PIP5K1A: variants seen among roughly 807,000 people sequenced by gnomAD.
The protein encoded by PIP5K1A is phosphatidylinositol-4-phosphate 5-kinase type 1 alpha.
PIP5K1A carries 46 observed loss-of-function variants against 72.9 expected under a neutral mutation model. The ratio of observed to expected loss-of-function variants is 0.63; its 90% confidence interval spans 0.50 to 0.81. The LOEUF is 0.81. PIP5K1A is among the 30% of genes least tolerant of loss of function. The pLI is 0.00. For synonymous variants in PIP5K1A, 228 were observed against 255.1 expected (o/e 0.89, Z 1.01); for missense variants, 458 against 706.1 (o/e 0.65, Z 3.98).
chr1:151,215,945 C>T, intron 1 of PIP5K1A: 1 of 1,298,376 alleles, frequency 7.7e-7, no homozygotes, highest in South Asian at 1.2e-5. Context: ...GGGTAACTTT[C>T]TGTTTTTCCT....
intron 1 of PIP5K1A, among the ~76,000 whole-genome samples, chr1:151,207,467 C>T (rs4520422): frequency 0.64 from 97,744 of 151,732 alleles, 31,838 homozygotes; most frequent in Non-Finnish European, 0.7. Context: ...ATTTAACTCC[C>T]TCATTTTCCA....
At chr1:151,209,279 C>A (rs1177663807) in intron 1 of PIP5K1A, among the ~76,000 whole-genome samples, 1 of 151,590 alleles carries the variant, frequency 6.6e-6, no homozygotes, top group Non-Finnish European at 1.5e-5. Context: ...TGCTTTTTTT[C>A]TTTCCCCCGC....
At chr1:151,244,324 G>A (rs1395682300) in intron 14 of PIP5K1A, among the ~76,000 whole-genome samples, 2 of 152,042 alleles carry the variant, frequency 1.3e-5, no homozygotes, top group African/African-American at 2.4e-5. Context: ...CATTTACATT[G>A]TATTAGTTAT....
chr1:151,234,134 G>A (rs587603431), intron 7 of PIP5K1A, 63 bp from the exon 8 acceptor site: 1 of 1,299,134 alleles, frequency 7.7e-7, no homozygotes, highest in East Asian at 2.3e-5. Context: ...AACTTTTACT[G>A]GTGAGTTTCA....
chr1:151,244,433 T>C (rs1454033518), intron 14 of PIP5K1A, among the ~76,000 whole-genome samples: 1 of 152,158 alleles, frequency 6.6e-6, no homozygotes, highest in African/African-American at 2.4e-5. Context: ...GCGGCCAGAT[T>C]ACTTGAGCCT....
At chr1:151,243,976 G>A (rs1692125040) in intron 14 of PIP5K1A, among the ~76,000 whole-genome samples, 1 of 151,880 alleles carries the variant, frequency 6.6e-6, no homozygotes, top group South Asian at 2.1e-4. Context: ...TCAGCCCTCC[G>A]TATCCACAGG....
At chr1:151,212,274 C>A (rs1686934368) in intron 1 of PIP5K1A, among the ~76,000 whole-genome samples, 1 of 152,176 alleles carries the variant, frequency 6.6e-6, no homozygotes, top group Non-Finnish European at 1.5e-5. Context: ...AAGTTCAGCT[C>A]ATTTCTCATT....
intron 7 of PIP5K1A, 90 bp from the exon 8 acceptor site, chr1:151,234,107 A>G: frequency 1.1e-6 from 1 of 907,676 alleles, no homozygotes; most frequent in South Asian, 1.6e-5. Flanking sequence ...ATAGGAGATA[A>G]AGGGAGGATG....
At chr1:151,200,323 T>C (rs192787140) in intron 1 of PIP5K1A, among the ~76,000 whole-genome samples, 1 of 149,270 alleles carries the variant, frequency 6.7e-6, no homozygotes, top group Admixed American at 7.0e-5. Context: ...AGCGTATTAA[T>C]AGTTAAAAAC....
intron 1 of PIP5K1A, among the ~76,000 whole-genome samples, chr1:151,222,942 A>G (rs188262403): frequency 2.0e-5 from 3 of 152,278 alleles, no homozygotes; most frequent in East Asian, 1.9e-4. Flanking sequence ...ATGGCCAGGC[A>G]TGGTGGCTCA....
At chr1:151,210,154 G>T (rs1019701524) in intron 1 of PIP5K1A, among the ~76,000 whole-genome samples, 10 of 151,926 alleles carry the variant, frequency 6.6e-5, no homozygotes, top group Non-Finnish European at 1.0e-4. Flanking sequence ...AAAGTGCTGG[G>T]ATTACAGGTG....
At chr1:151,237,709 T>C (rs1485391988) in intron 9 of PIP5K1A, among the ~76,000 whole-genome samples, 1 of 152,184 alleles carries the variant, frequency 6.6e-6, no homozygotes, top group Non-Finnish European at 1.5e-5. Flanking sequence ...GCATCCTTCT[T>C]CATCATGCCT....
Position 151,241,802 on chromosome 1 carries a change from A to G in PIP5K1A, c.1364-321A>G, listed in dbSNP as rs587733155. 4.6e-3 allele frequency among the ~76,000 whole-genome samples: 658 copies of G among 142,872 alleles called. 4 individuals carry two copies. The highest frequency in any genetic ancestry group is 0.014 in the Middle Eastern group (4 of 286). The allele number at this position is 142,872 out of a possible 152,430, so 93.7% of individuals were successfully genotyped here. On this transcript the variant is annotated intron_variant, in intron 12 of 15. Coordinates refer to ENST00000368888, the MANE Select transcript of PIP5K1A (RefSeq NM_001135638.2). ...GCAACAAGAGCGAAACTCCATCTCA[A>G]AAAAAAAAAAAAAAAGGAATTATGC...
At chr1:151,201,387 T>TC (rs1685196353) in intron 1 of PIP5K1A, among the ~76,000 whole-genome samples, 1 of 151,928 alleles carries the variant, frequency 6.6e-6, no homozygotes, top group South Asian at 2.1e-4. Context: ...TATCATTCTG[T>TC]CACCCAGGCT....
chr1:151,242,700 C>T (rs1171878534), intron 14 of PIP5K1A, 133 bp downstream of exon 14: 4 of 808,982 alleles, frequency 4.9e-6, no homozygotes, highest in South Asian at 1.8e-5. Context: ...ATATATCATA[C>T]TTTCTGTGGG....
chr1:151,239,190 T>C lies in PIP5K1A; in HGVS notation c.1278+12T>C. 2 of 1,567,430 alleles carry C rather than the reference T, an allele frequency of 1.3e-6. No individual in the cohort carries two copies. Among genetic ancestry groups the C allele is most frequent in the Non-Finnish European group, 1.8e-6 (2 of 1,138,222 alleles). The stretch of plus-strand genomic sequence containing the variant: ...TGGTACATGACGGAGTAAGTAGTAA[T>C]ACTAGAGGCTCTCTTACCGTACACT... On this transcript the variant is annotated intron_variant, in intron 11 of 15. Transcript: ENST00000368888.
Position 151,236,187 on chromosome 1 carries a change from G to A in PIP5K1A, c.940-371G>A, listed in dbSNP as rs587678083. Among the ~76,000 whole-genome samples the A allele has an allele frequency of 2.7e-5, 4 of 147,014 alleles. No individual in the cohort carries two copies. In the East Asian group the frequency reaches 8.4e-4, roughly 31 times the overall value. ...AGGCTAAATTAAATAATTACATCAT[G>A]AAAGCTGTCAAGCCAGGCGTGGTGG... is the stretch of plus-strand genomic sequence containing the variant. On this transcript the variant is annotated intron_variant, in intron 8 of 15. Coordinates refer to ENST00000368888, the MANE Select transcript of PIP5K1A (RefSeq NM_001135638.2).
At chr1:151,236,797 A>C in intron 9 of PIP5K1A, 34 bp downstream of exon 9, 1 of 1,293,536 alleles carries the variant, frequency 7.7e-7, no homozygotes, top group Non-Finnish European at 1.1e-6. Context: ...GGGGGAGAAC[A>C]TAGGCCCACA....
chr1:151,219,851 C>CTTTT (rs71237867), intron 1 of PIP5K1A, among the ~76,000 whole-genome samples: 19 of 98,692 alleles, frequency 1.9e-4, no homozygotes, highest in East Asian at 3.1e-4. Flanking sequence ...ATATTCTTTC[C>CTTTT]TTTTTTTTTT....
Sources: allele counts gnomAD v4.1 joint callset (sites outside exome capture counted in the v4.1 genomes callset), GRCh38; gene constraint gnomAD v4.1.1; transcripts MANE v1.5; gene names NCBI Gene and HGNC (gene_info 2026-07-23, HGNC 2026-07-21).